The following IFFO2 variants were observed in gnomAD, a reference collection of about 807,000 sequenced individuals.
The protein encoded by IFFO2 is intermediate filament family orphan 2.
In IFFO2, 19 loss-of-function variants were observed where a neutral mutation model predicts 53.5. The ratio of observed to expected loss-of-function variants is 0.36; its 90% CI spans 0.25 to 0.52. The LOEUF (loss-of-function observed/expected upper bound fraction) is 0.52, where lower values mean the gene tolerates loss of function less well. Ranked by LOEUF, IFFO2 falls within the 20% of genes least tolerant of loss-of-function variation. The probability of loss-of-function intolerance (pLI) is 0.94; values close to 1 mark genes in which losing one functional copy is unlikely to be tolerated. For synonymous variants in IFFO2, 303 were observed against 313.6 expected (o/e 0.97, Z 0.36); for missense variants, 570 against 727.4 (o/e 0.78, Z 2.49).
intron 1 of IFFO2, among the ~76,000 whole-genome samples, chr1:18,950,592 C>G (rs1244250051): frequency 6.6e-6 from 1 of 152,232 alleles, no homozygotes; most frequent in Admixed American, 6.5e-5. Context: ...CGAAGGCTGC[C>G]TCACTGGAAA....
chr1:18,927,727 T>C (rs796543619), intron 1 of IFFO2, among the ~76,000 whole-genome samples: 4 of 152,348 alleles, frequency 2.6e-5, no homozygotes, highest in African/African-American at 9.6e-5. Context: ...GCAGGCACAG[T>C]GGTAGACCAG....
intron 6 of IFFO2, 145 bp downstream of exon 6, chr1:18,911,818 C>T: frequency 9.5e-7 from 1 of 1,048,896 alleles, no homozygotes; most frequent in Non-Finnish European, 1.3e-6. Context: ...GGATTACAGG[C>T]ATGAGCCACT....
At position 18,954,593 on chromosome 1, in the gene IFFO2, G is replaced by A. The variant is rs943660574; in HGVS notation, c.665+1075C>T. 5.9e-5 allele frequency among the ~76,000 whole-genome samples: 9 copies of A among 152,364 alleles called. 1 individual carries two copies. The South Asian group carries it at 1.4e-3, about 25-fold the overall frequency. On this transcript the variant is annotated intron_variant, in intron 1 of 8. Transcript: ENST00000455833. ...TGTGCCTGGAACAGCGATTGCCAGG[G>A]CCAGAGGGCCCCTTCCCCAGCCAGG...
In IFFO2 at chr1:18,910,357, T is replaced by C. The variant is rs1402244260; in HGVS notation, c.1433A>G (p.Lys478Arg). The change falls in exon 8 of 9, where the codon AAA becomes AGA. Residue 478 changes from lysine (K) to arginine (R), a missense_variant. Transcript: ENST00000455833. Reference sequence around the variant, plus strand: ...GGGCGGGTACCTGTCTGCGGAGCCTTTGATGAGCCGGCGGCAGGTCTCCAT... The same window carrying C: ...GGGCGGGTACCTGTCTGCGGAGCCTCTGATGAGCCGGCGGCAGGTCTCCAT... ...VQMETCRRLIKGSADRNSPSP... is the reference protein window; with the variant it reads ...VQMETCRRLIRGSADRNSPSP... The C allele has an allele frequency of 6.2e-7, 1 of 1,611,666 alleles. No individual in the cohort carries two copies. Among genetic ancestry groups the C allele is most frequent in the South Asian group, 1.1e-5 (1 of 90,540 alleles).
intron 1 of IFFO2, among the ~76,000 whole-genome samples, chr1:18,949,505 C>A (rs78920479): frequency 0.039 from 5,899 of 152,310 alleles, 147 homozygotes; most frequent in East Asian, 0.083. Context: ...CAGCCATCCG[C>A]GACATAGGAA....
At chr1:18,937,617 C>A (rs1936466271) in intron 1 of IFFO2, among the ~76,000 whole-genome samples, 1 of 152,214 alleles carries the variant, frequency 6.6e-6, no homozygotes, top group Non-Finnish European at 1.5e-5. Flanking sequence ...GACTGCAAAG[C>A]CCCTCGGAGG....
Position 18,906,312 on chromosome 1 carries a change from C to T in IFFO2, c.*2249G>A, listed in dbSNP as rs1273635442. 1 of 152,170 alleles carries T rather than the reference C, an allele frequency of 6.6e-6. No homozygotes were observed. The highest frequency in any genetic ancestry group is 1.9e-4 in the East Asian group (1 of 5,192). 9.4% of individuals were successfully genotyped at this position (152,170 alleles called of 1,614,324 possible). On this transcript the variant is annotated 3_prime_UTR_variant, in exon 9 of 9. Coordinates refer to ENST00000455833, the MANE Select transcript of IFFO2 (RefSeq NM_001136265.2). Reference sequence around the variant, plus strand: ...ACAAGGAGGAAAGTAAAAATAATACCGCCGGACACCGATAACCACAGTAAC... The same window carrying T: ...ACAAGGAGGAAAGTAAAAATAATACTGCCGGACACCGATAACCACAGTAAC...
At chr1:18,924,034 G>T (rs1200888549) in intron 1 of IFFO2, among the ~76,000 whole-genome samples, 1 of 152,234 alleles carries the variant, frequency 6.6e-6, no homozygotes, top group Non-Finnish European at 1.5e-5. Context: ...CAGCCGGCTG[G>T]CCTGCTCCCA....
At chr1:18,935,908 T>C (rs1319026365) in intron 1 of IFFO2, among the ~76,000 whole-genome samples, 1 of 147,070 alleles carries the variant, frequency 6.8e-6, no homozygotes, top group East Asian at 2.0e-4. Flanking sequence ...GGTCTCACTA[T>C]GTTGCCCAGA....
At position 18,956,368 on chromosome 1, in the gene IFFO2, G is replaced by A. The variant is rs1297072148; in HGVS notation, c.-36C>T. The A allele has an allele frequency of 1.4e-5, 3 of 215,394 alleles. No homozygotes were observed. Among genetic ancestry groups the A allele is most frequent in the Non-Finnish European group, 2.5e-5 (3 of 118,238 alleles). The allele number at this position is 215,394 out of a possible 1,614,324, so 13.3% of individuals were successfully genotyped here. ...CGCGGCTCAGGGCCCCGGGCCCGCG[G>A]CTCCAGGTGCGGCTCCAGCTCCGGG... On this transcript the variant is annotated 5_prime_UTR_variant, in exon 1 of 9. Transcript: ENST00000455833. This position sits in a 1 kb window ranked among gnomAD's most constrained non-coding sequence, Gnocchi z 6.4.
Position 18,916,844 on chromosome 1 carries a change from C to T in IFFO2, c.1103+59G>A. 2.0e-6 allele frequency: 3 copies of T among 1,536,496 alleles called. No homozygotes were observed. Among genetic ancestry groups the T allele is most frequent in the Non-Finnish European group, 2.6e-6 (3 of 1,135,948 alleles). On this transcript the variant is annotated intron_variant, in intron 5 of 8. Coordinates refer to ENST00000455833, the MANE Select transcript of IFFO2 (RefSeq NM_001136265.2). The surrounding 1 kb of genome is among the most constrained non-coding windows in gnomAD (Gnocchi z 4.3). The stretch of plus-strand genomic sequence containing the variant: ...ACTCTCAGCCCAAGCCTCCCATTCA[C>T]CGCCCCTGTGCAAGCAATCCGGGGA...
At chr1:18,943,715 C>G (rs539441942) in intron 1 of IFFO2, among the ~76,000 whole-genome samples, 1 of 152,240 alleles carries the variant, frequency 6.6e-6, no homozygotes, top group East Asian at 1.9e-4. Flanking sequence ...GAAGGCAGAT[C>G]AGTGTCAGCA....
intron 1 of IFFO2, among the ~76,000 whole-genome samples, chr1:18,944,524 A>G (rs1283648849): frequency 6.6e-6 from 1 of 152,102 alleles, no homozygotes; most frequent in Non-Finnish European, 1.5e-5. Flanking sequence ...GCTCCAAACC[A>G]GCAGCTTCTC....
At position 18,952,580 on chromosome 1, in the gene IFFO2, C is replaced by A. The variant is rs147919727; in HGVS notation, c.665+3088G>T. On this transcript the variant is annotated intron_variant, in intron 1 of 8. Coordinates refer to ENST00000455833, the MANE Select transcript of IFFO2 (RefSeq NM_001136265.2). Reference sequence around the variant, plus strand: ...ACATGGATGAACTTCAAAAAAAATTCTCTAAGTGAAAAAAGCCAAACACAA... The same window carrying A: ...ACATGGATGAACTTCAAAAAAAATTATCTAAGTGAAAAAAGCCAAACACAA... Among the ~76,000 whole-genome samples the A allele has an allele frequency of 4.1e-4, 62 of 152,322 alleles. No individual in the cohort carries two copies. The East Asian group carries it at 9.6e-3, about 24-fold the overall frequency.
chr1:18,943,679 A>C (rs1038474236), intron 1 of IFFO2, among the ~76,000 whole-genome samples: 3 of 152,200 alleles, frequency 2.0e-5, no homozygotes, highest in Non-Finnish European at 4.4e-5. Context: ...GAAATGGTGC[A>C]GCCAAGCACA....
intron 1 of IFFO2, among the ~76,000 whole-genome samples, chr1:18,930,685 G>A (rs141701927): frequency 3.8e-4 from 58 of 152,312 alleles, no homozygotes; most frequent in Non-Finnish European, 6.3e-4. Flanking sequence ...CACACACAAG[G>A]CATTTAAGGG....
At position 18,947,848 on chromosome 1, in the gene IFFO2, T is replaced by C. The variant is rs1936609720; in HGVS notation, c.665+7820A>G. Among the ~76,000 whole-genome samples, 1 of 152,240 alleles carries C rather than the reference T, an allele frequency of 6.6e-6. No individual in the cohort carries two copies. Among genetic ancestry groups the C allele is most frequent in the South Asian group, 2.1e-4 (1 of 4,832 alleles). On this transcript the variant is annotated intron_variant, in intron 1 of 8. Transcript: ENST00000455833. This position sits in a 1 kb window ranked among gnomAD's most constrained non-coding sequence, Gnocchi z 5.0. Reference sequence around the variant, plus strand: ...CCGCCTCCTATTCTGCCACCCGCCATGGCAATATTGTGACAGGTGCTGGGG... The same window carrying C: ...CCGCCTCCTATTCTGCCACCCGCCACGGCAATATTGTGACAGGTGCTGGGG...
intron 1 of IFFO2, among the ~76,000 whole-genome samples, chr1:18,926,764 A>G (rs770326945): frequency 1.3e-5 from 2 of 148,328 alleles, no homozygotes; most frequent in African/African-American, 2.5e-5. Context: ...ACAGACCCGC[A>G]GGAAAGGGAC....
Position 18,928,982 on chromosome 1 carries a change from G to T in IFFO2, c.666-7861C>A, listed in dbSNP as rs1198385336. Among the ~76,000 whole-genome samples the T allele has an allele frequency of 1.3e-5, 2 of 152,222 alleles. No homozygotes were observed. The highest frequency in any genetic ancestry group is 6.5e-5 in the Admixed American group (1 of 15,288). On this transcript the variant is annotated intron_variant, in intron 1 of 8. Coordinates refer to ENST00000455833, the MANE Select transcript of IFFO2 (RefSeq NM_001136265.2). This position sits in a 1 kb window ranked among gnomAD's most constrained non-coding sequence, Gnocchi z 4.9. ...GACACCCGCTGGGTGCCCTCTCCCA[G>T]AAGAAGCAGCAGCGTGGTGTGGGAG...
Sources: allele counts gnomAD v4.1 joint callset (sites outside exome capture counted in the v4.1 genomes callset), GRCh38; gene constraint gnomAD v4.1.1; non-coding constraint Gnocchi (gnomAD v3.1); transcripts MANE v1.5; gene names NCBI Gene and HGNC (gene_info 2026-07-23, HGNC 2026-07-21).